The following MYO7A variants were observed in gnomAD, a reference collection of about 807,000 sequenced individuals.
The protein encoded by MYO7A is unconventional myosin-VIIa.
MYO7A carries 210 observed loss-of-function variants against 263.8 expected under a neutral mutation model. The observed-to-expected ratio is 0.80, with a 90% CI of 0.71 to 0.89. The LOEUF is 0.89. Ranked by LOEUF, MYO7A falls within the 40% of genes least tolerant of loss-of-function variation. MYO7A has a pLI of 0.00. For missense variants in MYO7A, 2,820 were observed against 2,968.3 expected, an observed-to-expected ratio of 0.95 and a Z score of 1.16; for synonymous variants, 1,239 against 1,197.3, an observed-to-expected ratio of 1.03 and a Z score of -0.72.
At position 77,211,252 on chromosome 11, in the gene MYO7A, C is replaced by A; in HGVS notation, c.6152C>A (p.Ser2051Tyr). Residue 2051 changes from serine (S) to tyrosine (Y), a missense_variant, in exon 45 of 49, where the codon TCC becomes TAC. Transcript: ENST00000409709. ...AGGGTCAAGTTCGAGGAGGACAAGTCCTACTTCCCCAGCATCCCCAAGCTG... is the reference window on the plus strand; with the variant it reads ...AGGGTCAAGTTCGAGGAGGACAAGTACTACTTCCCCAGCATCCCCAAGCTG... Reference protein sequence around the residue: ...IYRVKFEEDKSYFPSIPKLLR... With the variant: ...IYRVKFEEDKYYFPSIPKLLR... The A allele has an allele frequency of 6.3e-7, 1 of 1,582,598 alleles. No individual in the cohort carries two copies. Among genetic ancestry groups the A allele is most frequent in the East Asian group, 2.3e-5 (1 of 43,184 alleles).
chr11:77,198,046 G>A (rs1245251887), intron 33 of MYO7A, among the ~76,000 whole-genome samples: 5 of 152,240 alleles, frequency 3.3e-5, no homozygotes, highest in Admixed American at 6.5e-5. Flanking sequence ...CTGCTGGGCC[G>A]ACTCTGTGAA....
At position 77,203,149 on chromosome 11, in the gene MYO7A, AG is replaced by A. The variant is rs1555103532; in HGVS notation, c.5259del (p.Lys1753AsnfsTer52). 1.3e-6 allele frequency: 2 copies of A among 1,551,078 alleles called. No homozygotes were observed. The highest frequency in any genetic ancestry group is 1.7e-6 in the Non-Finnish European group (2 of 1,148,060). ...RLWSHTREPL[K>X]QALLKKLLGS... ...TGGAGCCACACGCGGGAACCGCTCA[AG>A]CAGGCGCTGCTCAAGAAGCTCCTGG... On this transcript the variant is annotated frameshift_variant, in exon 38 of 49. Transcript: ENST00000409709. LOFTEE classifies it high-confidence loss of function.
intron 4 of MYO7A, among the ~76,000 whole-genome samples, chr11:77,150,514 T>C (rs1314836380): frequency 6.6e-6 from 1 of 152,170 alleles, no homozygotes; most frequent in Admixed American, 6.5e-5. Flanking sequence ...TTCAGAGATT[T>C]ATGGGTTCTC....
chr11:77,210,131 C>T (rs1458251304), intron 44 of MYO7A, among the ~76,000 whole-genome samples: 1 of 152,206 alleles, frequency 6.6e-6, no homozygotes, highest in African/African-American at 2.4e-5. Context: ...GCACTGTGGA[C>T]AATTCCTTCA....
chr11:77,157,738 G>T (rs576020517), intron 8 of MYO7A, among the ~76,000 whole-genome samples: 1 of 152,324 alleles, frequency 6.6e-6, no homozygotes, highest in Non-Finnish European at 1.5e-5. Context: ...GTGTGTGCAT[G>T]TGTGTGTTGT....
At chr11:77,183,047 T>C (rs1555085938) in intron 25 of MYO7A, 21 bp from the exon 26 acceptor site, 2 of 1,548,526 alleles carry the variant, frequency 1.3e-6, no homozygotes, top group East Asian at 2.4e-5. Flanking sequence ...CACTTGACCC[T>C]GATCCCTGCT....
At position 77,161,153 on chromosome 11, in the gene MYO7A, C is replaced by G. The variant is rs782132364; in HGVS notation, c.1343+38C>G. 23 of 1,609,850 alleles carry G rather than the reference C, an allele frequency of 1.4e-5. No homozygotes were observed. In the East Asian group the frequency reaches 4.9e-4, roughly 34 times the overall value. On this transcript the variant is annotated intron_variant, in intron 12 of 48. Coordinates refer to ENST00000409709, the MANE Select transcript of MYO7A (RefSeq NM_000260.4). ...GCTCTGCTCATGGGAATTTCCTTCC[C>G]CAATATGGAAATAAGAAATATCACG...
At chr11:77,133,360 G>A (rs1229383872) in intron 2 of MYO7A, among the ~76,000 whole-genome samples, 1 of 152,242 alleles carries the variant, frequency 6.6e-6, no homozygotes, top group Non-Finnish European at 1.5e-5. Context: ...TGGTGCCAGG[G>A]TAGGGACTCT....
chr11:77,206,190 T>A lies in MYO7A; in HGVS notation c.5730T>A (p.Asp1910Glu), dbSNP rs751334238. Residue 1910 changes from aspartate to glutamate, a missense_variant, in exon 41 of 49, where the codon GAT becomes GAA. By Grantham distance (45) the Asp-to-Glu change is conservative. Coordinates refer to ENST00000409709, the MANE Select transcript of MYO7A (RefSeq NM_000260.4). ...TQIFHKVYFP[D>E]DTDEAFEVES... ...TTTTCCACAAAGTCTACTTCCCTGA[T>A]GACACTGACGAGGTGAGGGTCACCG... 34 of 1,612,184 alleles carry A rather than the reference T, an allele frequency of 2.1e-5. No individual in the cohort carries two copies. The highest frequency in any genetic ancestry group is 2.8e-5 in the Non-Finnish European group (33 of 1,179,094).
At position 77,190,832 on chromosome 11, in the gene MYO7A, C is replaced by G; in HGVS notation, c.3886C>G (p.Arg1296Gly). The G allele has an allele frequency of 6.3e-7, 1 of 1,587,678 alleles. No homozygotes were observed. The highest frequency in any genetic ancestry group is 8.6e-7 in the Non-Finnish European group (1 of 1,167,400). The change falls in exon 30 of 49, where the codon CGG becomes GGG. Residue 1296 changes from arginine (R) to glycine (G), a missense_variant. Arg to Gly is a moderately radical substitution (Grantham distance 125). Coordinates refer to ENST00000409709, the MANE Select transcript of MYO7A (RefSeq NM_000260.4). ...ALADKISLKD[R>G]FGFSLYIALF... ...GGCCGACAAGATCTCTCTCAAGGAC[C>G]GGTTCGGGTTCTCCCTCTACATTGC...
chr11:77,209,948 G>T (rs1957751825), intron 44 of MYO7A, among the ~76,000 whole-genome samples: 1 of 152,190 alleles, frequency 6.6e-6, no homozygotes, highest in Non-Finnish European at 1.5e-5. Flanking sequence ...AGCTCAGCTG[G>T]ATTGTTTCCG....
At position 77,166,259 on chromosome 11, in the gene MYO7A, C is replaced by G; in HGVS notation, c.1797+97C>G. 2.8e-6 allele frequency: 3 copies of G among 1,061,552 alleles called. No individual in the cohort carries two copies. The Admixed American group carries it at 5.8e-5, about 21-fold the overall frequency. 65.8% of individuals were successfully genotyped at this position (1,061,552 alleles called of 1,614,324 possible). ...TGTCCAACAGCTTCAGCTGAGCCCC[C>G]TGGCCACATAATGGGTATGGAGCTT... On this transcript the variant is annotated intron_variant, in intron 15 of 48. Transcript: ENST00000409709.
chr11:77,170,972 G>A (rs1954032298), intron 15 of MYO7A, among the ~76,000 whole-genome samples: 1 of 152,228 alleles, frequency 6.6e-6, no homozygotes, highest in Non-Finnish European at 1.5e-5. Flanking sequence ...GTGAACCCAT[G>A]GATGTCACTA....
chr11:77,206,327 C>T (rs578258142), intron 41 of MYO7A, 125 bp downstream of exon 41: 2 of 712,024 alleles, frequency 2.8e-6, no homozygotes, highest in South Asian at 1.9e-5. Context: ...CCTCCTGCCC[C>T]GTAGTGGAGT....
intron 20 of MYO7A, among the ~76,000 whole-genome samples, 154 bp downstream of exon 20, chr11:77,179,283 G>A (rs1383648644): frequency 7.2e-5 from 11 of 152,240 alleles, no homozygotes; most frequent in Admixed American, 5.2e-4. Flanking sequence ...CCTCCAGACC[G>A]AAGTCTGGAT....
At position 77,147,779 on chromosome 11, in the gene MYO7A, A is replaced by T; in HGVS notation, c.133-19A>T. ...GCCTGGGCCCCAGGAGAGCACGCTGACGTTCTGGCTCCCCGCAGGAACACT... is the reference window on the plus strand; with the variant it reads ...GCCTGGGCCCCAGGAGAGCACGCTGTCGTTCTGGCTCCCCGCAGGAACACT... On this transcript the variant is annotated intron_variant, in intron 3 of 48. Transcript: ENST00000409709. The T allele has an allele frequency of 4.4e-6, 7 of 1,607,034 alleles. No individual in the cohort carries two copies. Among genetic ancestry groups the T allele is most frequent in the Admixed American group, 1.7e-5 (1 of 59,378 alleles).
intron 29 of MYO7A, 75 bp from the exon 30 acceptor site, chr11:77,190,619 AAGC>A: frequency 1.3e-5 from 18 of 1,399,856 alleles, no homozygotes; most frequent in Non-Finnish European, 1.7e-5. Flanking sequence ...ACCCCACAGA[AAGC>A]AGAGAGCCAA....
chr11:77,205,975 G>A, intron 40 of MYO7A, 122 bp from the exon 41 acceptor site: 2 of 790,874 alleles, frequency 2.5e-6, no homozygotes, highest in African/African-American at 1.7e-5. Context: ...TCAGTGGCCG[G>A]TCACATCATA....
rs910989813 is a variant in MYO7A at position 77,204,194 on chromosome 11, G to A, written c.5445G>A (p.Val1815=). The A allele has an allele frequency of 6.3e-7, 1 of 1,583,306 alleles. No individual in the cohort carries two copies. Residue 1815 remains valine (V), a synonymous_variant, in exon 39 of 49, where the codon GTG becomes GTA. Transcript: ENST00000409709. The part of the protein sequence containing the change: ...KAEPLKDEAY[V]QILKQLTDNH... ...AGCCCCTGAAGGACGAGGCATATGT[G>A]CAGATCCTGAAGCAGCTGACCGACA...
Sources: gnomAD v4.1 joint callset for allele counts (sites outside exome capture counted in the v4.1 genomes callset) on GRCh38, gnomAD v4.1.1 for gene constraint, MANE v1.5 for transcripts, NCBI Gene and HGNC (gene_info 2026-07-23, HGNC 2026-07-21) for gene names.